The following FHOD3 variants were observed in gnomAD, a reference collection of about 807,000 sequenced individuals.
FHOD3 encodes the protein formin homology 2 domain containing 3, also known as FH1/FH2 domain-containing protein 3.
Under a neutral mutation model 173.0 loss-of-function variants are expected in FHOD3, and 90 were observed. The observed-to-expected ratio is 0.52, with a 90% CI of 0.44 to 0.62. The LOEUF is 0.62. Among genes scored for constraint, FHOD3 ranks in the 20% least tolerant of loss-of-function variants. The pLI is 0.00. For missense variants in FHOD3, 1,945 were observed against 2,034.7 expected (o/e 0.96, Z 0.85); for synonymous variants, 828 against 823.0 (o/e 1.01, Z -0.10).
intron 5 of FHOD3, among the ~76,000 whole-genome samples, chr18:36,518,492 A>T (rs1358540068): frequency 6.6e-6 from 1 of 152,130 alleles, no homozygotes; most frequent in African/African-American, 2.4e-5. Flanking sequence ...TCCTCATTTG[A>T]TGTCTCTCCT....
intron 5 of FHOD3, among the ~76,000 whole-genome samples, chr18:36,574,493 G>A (rs75194110): frequency 6.6e-6 from 1 of 151,632 alleles, no homozygotes; most frequent in Non-Finnish European, 1.5e-5. Flanking sequence ...TAACATATTT[G>A]TTGTCATAGA....
chr18:36,603,342 C>G (rs542418194), intron 8 of FHOD3, among the ~76,000 whole-genome samples: 8 of 152,040 alleles, frequency 5.3e-5, no homozygotes, highest in Non-Finnish European at 1.0e-4. Context: ...TTATGCGACA[C>G]GTGGAGTGGA....
chr18:36,694,027 C>T (rs531620474), intron 17 of FHOD3, among the ~76,000 whole-genome samples: 6 of 152,276 alleles, frequency 3.9e-5, no homozygotes, highest in Admixed American at 3.3e-4. Context: ...TTTGGAGAGG[C>T]GCGATGATAT....
At chr18:36,523,289 G>C (rs1351607711) in intron 5 of FHOD3, among the ~76,000 whole-genome samples, 2 of 152,234 alleles carry the variant, frequency 1.3e-5, no homozygotes, top group East Asian at 3.8e-4. Flanking sequence ...TTTTAGAGGA[G>C]GGGCAAAATT....
At chr18:36,493,090 C>T (rs138681304) in intron 3 of FHOD3, among the ~76,000 whole-genome samples, 87 of 152,184 alleles carry the variant, frequency 5.7e-4, no homozygotes, top group Non-Finnish European at 1.1e-3. Flanking sequence ...ATGTTGGATT[C>T]GGTCCATGAT....
chr18:36,678,017 A>G (rs1316413682), intron 14 of FHOD3, among the ~76,000 whole-genome samples: 2 of 152,202 alleles, frequency 1.3e-5, no homozygotes, highest in East Asian at 3.8e-4. Flanking sequence ...TGTTTTATAT[A>G]TAGAAACTTT....
chr18:36,440,471 A>G (rs1568274695), intron 3 of FHOD3, among the ~76,000 whole-genome samples: 1 of 151,980 alleles, frequency 6.6e-6, no homozygotes, highest in Non-Finnish European at 1.5e-5. Flanking sequence ...TCCCAGCTGG[A>G]CGCGCTGCCC....
intron 3 of FHOD3, among the ~76,000 whole-genome samples, chr18:36,381,051 A>G (rs2047756481): frequency 6.6e-6 from 1 of 152,192 alleles, no homozygotes; most frequent in Non-Finnish European, 1.5e-5. Flanking sequence ...TCCTCCTTTT[A>G]GGCCATTGAA....
At chr18:36,359,728 G>T (rs901341042) in intron 2 of FHOD3, among the ~76,000 whole-genome samples, 1 of 152,178 alleles carries the variant, frequency 6.6e-6, no homozygotes, top group Non-Finnish European at 1.5e-5. Context: ...TCTCATGGCT[G>T]TTTGACCCTG....
intron 5 of FHOD3, among the ~76,000 whole-genome samples, chr18:36,540,072 G>A (rs1247612863): frequency 2.0e-5 from 3 of 152,112 alleles, no homozygotes; most frequent in Admixed American, 1.3e-4. Flanking sequence ...CAGATTCCTC[G>A]ATGACACACA....
intron 3 of FHOD3, among the ~76,000 whole-genome samples, chr18:36,472,610 C>T (rs1324375908): frequency 2.0e-5 from 3 of 152,216 alleles, no homozygotes; most frequent in Non-Finnish European, 4.4e-5. Flanking sequence ...TGATCTACTT[C>T]TGTCTCTGTG....
chr18:36,601,742 T>C (rs1200266625), intron 7 of FHOD3, among the ~76,000 whole-genome samples: 1 of 152,234 alleles, frequency 6.6e-6, no homozygotes, highest in East Asian at 1.9e-4. Flanking sequence ...AAGAGCTTCA[T>C]GTCGCAAACC....
At chr18:36,504,737 G>A (rs1030575275) in intron 4 of FHOD3, among the ~76,000 whole-genome samples, 17 of 151,350 alleles carry the variant, frequency 1.1e-4, no homozygotes, top group African/African-American at 3.9e-4. Context: ...AAAACTTATA[G>A]TAATAATAAT....
intron 26 of FHOD3, 25 bp from the exon 27 acceptor site, chr18:36,760,583 T>A (rs755744009): frequency 1.3e-5 from 20 of 1,539,094 alleles, no homozygotes; most frequent in Middle Eastern, 1.7e-4. Context: ...CTCCCTCACC[T>A]GCTAACTTCC....
chr18:36,509,242 TAAA>T (rs2055485680), intron 4 of FHOD3, among the ~76,000 whole-genome samples: 1 of 152,144 alleles, frequency 6.6e-6, no homozygotes, highest in Non-Finnish European at 1.5e-5. Context: ...TGGATCCTAA[TAAA>T]ACTGTGAAAA....
intron 3 of FHOD3, among the ~76,000 whole-genome samples, chr18:36,374,151 C>A (rs2047322639): frequency 6.6e-6 from 1 of 152,200 alleles, no homozygotes; most frequent in Non-Finnish European, 1.5e-5. Flanking sequence ...AAACTCACTC[C>A]TTTGCAGTAT....
At chr18:36,462,152 A>C (rs1294055147) in intron 3 of FHOD3, among the ~76,000 whole-genome samples, 1 of 152,174 alleles carries the variant, frequency 6.6e-6, no homozygotes, top group Non-Finnish European at 1.5e-5. Flanking sequence ...ACCATGGCTC[A>C]TGGTGAGGGT....
At chr18:36,354,569 A>T (rs1375955743) in intron 1 of FHOD3, among the ~76,000 whole-genome samples, 2 of 152,172 alleles carry the variant, frequency 1.3e-5, no homozygotes, top group Admixed American at 6.5e-5. Flanking sequence ...TGGGAGGCCG[A>T]GGCGGGTGGA....
chr18:36,691,845 C>T lies in FHOD3; in HGVS notation c.2022-1364C>T, dbSNP rs146313217. Reference sequence around the variant, plus strand: ...CCATCAGCCTGCAAATGCAAGGCACCGAGGGAAAGAACAGAGGATGGTAAT... The same window carrying T: ...CCATCAGCCTGCAAATGCAAGGCACTGAGGGAAAGAACAGAGGATGGTAAT... On this transcript the variant is annotated intron_variant, in intron 16 of 28. Transcript: ENST00000590592. 4.4e-3 allele frequency among the ~76,000 whole-genome samples: 674 copies of T among 152,304 alleles called. 5 individuals carry two copies. Among genetic ancestry groups the T allele is most frequent in the African/African-American group, 0.011 (473 of 41,560 alleles).
Sources: allele counts gnomAD v4.1 joint callset (sites outside exome capture counted in the v4.1 genomes callset), GRCh38; gene constraint gnomAD v4.1.1; transcripts MANE v1.5; gene names NCBI Gene and HGNC (gene_info 2026-07-23, HGNC 2026-07-21).